Variants in LRRC4C observed in about 807,000 individuals in gnomAD.
LRRC4C encodes the protein leucine rich repeat containing 4C, also known as leucine-rich repeat-containing protein 4C.
LRRC4C carries 5 observed loss-of-function variants against 33.6 expected under a neutral mutation model. The observed-to-expected ratio is 0.15, with a 90% CI of 0.08 to 0.31. The LOEUF (loss-of-function observed/expected upper bound fraction) is 0.31, where lower values mean the gene tolerates loss of function less well. Among genes scored for constraint, LRRC4C ranks in the 10% least tolerant of loss-of-function variants. The pLI is 1.00. For missense variants in LRRC4C, 560 were observed against 796.7 expected, an observed-to-expected ratio of 0.70 and a Z score of 3.58; for synonymous variants, 329 against 302.0, an observed-to-expected ratio of 1.09 and a Z score of -0.93.
intron 3 of LRRC4C, among the ~76,000 whole-genome samples, chr11:40,354,752 C>T (rs986168532): frequency 3.3e-5 from 5 of 152,004 alleles, no homozygotes; most frequent in African/African-American, 9.7e-5. Context: ...CCTGTGGCCC[C>T]GAGTGGGTTC....
chr11:40,157,451 C>T (rs2135307586), intron 5 of LRRC4C, among the ~76,000 whole-genome samples: 1 of 152,266 alleles, frequency 6.6e-6, no homozygotes, highest in Non-Finnish European at 1.5e-5. Context: ...GCAAAAGGAA[C>T]AGTCAGCAAA....
intron 2 of LRRC4C, among the ~76,000 whole-genome samples, chr11:40,737,463 G>T (rs1947932389): frequency 6.6e-6 from 1 of 152,102 alleles, no homozygotes; most frequent in Admixed American, 6.6e-5. Flanking sequence ...TGTATATTTA[G>T]AAAACTCCAT....
chr11:41,343,470 G>T (rs1951703563), intron 1 of LRRC4C, among the ~76,000 whole-genome samples: 1 of 152,172 alleles, frequency 6.6e-6, no homozygotes, highest in Non-Finnish European at 1.5e-5. Flanking sequence ...ATGCTGAAAT[G>T]ATGAGTTTTA....
intron 4 of LRRC4C, among the ~76,000 whole-genome samples, chr11:40,254,191 A>G (rs1867017557): frequency 6.6e-6 from 1 of 152,248 alleles, no homozygotes. Flanking sequence ...GCAAATGCTA[A>G]GAACAAATAA....
chr11:40,950,946 T>A (rs1958665951), intron 1 of LRRC4C, among the ~76,000 whole-genome samples: 1 of 151,858 alleles, frequency 6.6e-6, no homozygotes, highest in African/African-American at 2.4e-5. Flanking sequence ...ACAGTTCTAC[T>A]CCATTCTTTT....
chr11:41,357,958 G>A (rs1952220565), intron 1 of LRRC4C, among the ~76,000 whole-genome samples: 1 of 151,976 alleles, frequency 6.6e-6, no homozygotes, highest in African/African-American at 2.4e-5. Flanking sequence ...ACACAATATT[G>A]AAGAAGAAAA....
intron 2 of LRRC4C, among the ~76,000 whole-genome samples, chr11:40,752,392 G>T (rs1565015468): frequency 1.3e-5 from 2 of 151,776 alleles, no homozygotes; most frequent in Non-Finnish European, 2.9e-5. Context: ...GGAGCTCAAA[G>T]AATGCAACAA....
chr11:41,038,724 A>T (rs1416959121), intron 1 of LRRC4C, among the ~76,000 whole-genome samples: 1 of 152,204 alleles, frequency 6.6e-6, no homozygotes, highest in African/African-American at 2.4e-5. Flanking sequence ...AACTAGAAAC[A>T]TGTGCACACA....
intron 1 of LRRC4C, among the ~76,000 whole-genome samples, chr11:41,395,387 G>A (rs546270179): frequency 1.3e-5 from 2 of 152,062 alleles, no homozygotes; most frequent in South Asian, 2.1e-4. Context: ...GTCTGGAGAC[G>A]TGTGGGTTAT....
At chr11:41,436,848 C>T (rs926167463) in intron 1 of LRRC4C, among the ~76,000 whole-genome samples, 1 of 152,110 alleles carries the variant, frequency 6.6e-6, no homozygotes, top group African/African-American at 2.4e-5. Flanking sequence ...TTTTAACATC[C>T]TGAAATGAGA....
At chr11:40,119,223 C>T (rs556837148) in intron 6 of LRRC4C, among the ~76,000 whole-genome samples, 3 of 152,168 alleles carry the variant, frequency 2.0e-5, no homozygotes, top group Non-Finnish European at 4.4e-5. Flanking sequence ...CATATACCCA[C>T]GTTTACAAAA....
Position 40,115,213 on chromosome 11 carries a change from A to G in LRRC4C, c.1080T>C (p.Pro360=). ...TGCCTTCAGTGACATTGAGGTCTGCAGGGGGCTCCACAATCACCGGAGCAT... is the reference window on the plus strand; with the variant it reads ...TGCCTTCAGTGACATTGAGGTCTGCGGGGGGCTCCACAATCACCGGAGCAT... ...TCYAPVIVEP[P]ADLNVTEGMA... is the part of the protein sequence containing the mutation. The change falls in exon 7 of 7, where the codon CCT becomes CCC. Residue 360 remains proline (P), a synonymous_variant. Coordinates refer to ENST00000528697, the MANE Select transcript of LRRC4C (RefSeq NM_001258419.2). The surrounding 1 kb of genome is among the most constrained non-coding windows in gnomAD (Gnocchi z 6.7). 1 of 1,614,184 alleles carries G rather than the reference A, an allele frequency of 6.2e-7. No homozygotes were observed. Among genetic ancestry groups the G allele is most frequent in the East Asian group, 2.2e-5 (1 of 44,870 alleles).
At chr11:40,323,245 T>C (rs947383120) in intron 3 of LRRC4C, among the ~76,000 whole-genome samples, 1 of 152,204 alleles carries the variant, frequency 6.6e-6, no homozygotes, top group Non-Finnish European at 1.5e-5. Flanking sequence ...TTAATTATAA[T>C]AAGTTAATGT....
At chr11:41,106,499 T>C (rs987761520) in intron 1 of LRRC4C, among the ~76,000 whole-genome samples, 9 of 151,890 alleles carry the variant, frequency 5.9e-5, no homozygotes, top group South Asian at 2.1e-4. Context: ...TTACTCACTG[T>C]CACCTAACAA....
At chr11:40,339,742 A>C (rs900289272) in intron 3 of LRRC4C, among the ~76,000 whole-genome samples, 2 of 152,208 alleles carry the variant, frequency 1.3e-5, no homozygotes, top group African/African-American at 4.8e-5. Context: ...TTTAGTATTG[A>C]ACCTGTTTTA....
At chr11:41,338,089 T>A (rs755764907) in intron 1 of LRRC4C, among the ~76,000 whole-genome samples, 1 of 152,102 alleles carries the variant, frequency 6.6e-6, no homozygotes, top group African/African-American at 2.4e-5. Context: ...TGTTGGTAGG[T>A]TAAATGGTTA....
Position 40,585,934 on chromosome 11 carries a change from C to T in LRRC4C, c.-270+62208G>A, listed in dbSNP as rs371986551. On this transcript the variant is annotated intron_variant, in intron 3 of 6. Transcript: ENST00000528697. The stretch of plus-strand genomic sequence containing the variant: ...TGTGAATAATGCCGCAATAAACATA[C>T]GTGTGCATGTGTCTTTATAGCAGCA... Among the ~76,000 whole-genome samples the T allele has an allele frequency of 9.7e-3, 1,323 of 137,040 alleles. 62 individuals carry two copies. Among genetic ancestry groups the T allele is most frequent in the Non-Finnish European group, 0.01 (648 of 62,326 alleles). 89.9% of individuals were successfully genotyped at this position (137,040 alleles called of 152,430 possible).
At chr11:40,760,834 T>C (rs1949176565) in intron 2 of LRRC4C, among the ~76,000 whole-genome samples, 1 of 147,082 alleles carries the variant, frequency 6.8e-6, no homozygotes, top group African/African-American at 2.5e-5. Context: ...TATATTTATA[T>C]ATATATACAC....
intron 1 of LRRC4C, among the ~76,000 whole-genome samples, chr11:41,088,626 GAT>G (rs996522350): frequency 3.3e-5 from 5 of 152,074 alleles, no homozygotes; most frequent in Admixed American, 6.6e-5. Flanking sequence ...CTCTCAAAGT[GAT>G]AAGTTGAGGA....
Sources: gnomAD v4.1 joint callset for allele counts (sites outside exome capture counted in the v4.1 genomes callset) on GRCh38, gnomAD v4.1.1 for gene constraint, Gnocchi (gnomAD v3.1) non-coding constraint, MANE v1.5 for transcripts, NCBI Gene and HGNC (gene_info 2026-07-23, HGNC 2026-07-21) for gene names.